The following BAIAP2 variants were observed in gnomAD, a reference collection of about 807,000 sequenced individuals.
The protein encoded by BAIAP2 is BAR/IMD domain-containing adapter protein 2.
A neutral mutation model predicts 63.0 loss-of-function variants in BAIAP2; 18 were observed. That is an observed-to-expected ratio of 0.29 (90% CI 0.20 to 0.42). The LOEUF (loss-of-function observed/expected upper bound fraction) is 0.42, where lower values mean the gene tolerates loss of function less well. Ranked by LOEUF, BAIAP2 falls within the 10% of genes least tolerant of loss-of-function variation. BAIAP2 has a pLI of 1.00. For missense variants in BAIAP2, 610 were observed against 734.3 expected (o/e 0.83, Z 1.96); for synonymous variants, 386 against 307.6 (o/e 1.25, Z -2.67).
chr17:81,076,783 A>G (rs767055650), intron 3 of BAIAP2, among the ~76,000 whole-genome samples: 5 of 152,146 alleles, frequency 3.3e-5, no homozygotes, highest in Admixed American at 6.5e-5. Context: ...AGCCTGGGCA[A>G]CATAGTGAGA....
At chr17:81,043,103 A>G (rs951569373) in intron 1 of BAIAP2, among the ~76,000 whole-genome samples, 1 of 151,878 alleles carries the variant, frequency 6.6e-6, no homozygotes, top group Non-Finnish European at 1.5e-5. Flanking sequence ...CTGGGGTCAA[A>G]TGATCCTCCC....
At chr17:81,063,074 A>C (rs994191481) in intron 3 of BAIAP2, among the ~76,000 whole-genome samples, 2 of 152,126 alleles carry the variant, frequency 1.3e-5, no homozygotes, top group East Asian at 3.9e-4. Context: ...GGCCCACAGG[A>C]GCGGGGACCT....
chr17:81,062,067 C>G (rs1424767033), intron 3 of BAIAP2, among the ~76,000 whole-genome samples: 3 of 152,104 alleles, frequency 2.0e-5, no homozygotes, highest in Non-Finnish European at 4.4e-5. Flanking sequence ...CTCAGCCTCC[C>G]AAGTAGCTGG....
chr17:81,106,181 C>T (rs762390957), intron 11 of BAIAP2, 35 bp downstream of exon 11: 5 of 1,552,248 alleles, frequency 3.2e-6, no homozygotes, highest in Non-Finnish European at 4.4e-6. Flanking sequence ...GTAAGATCCC[C>T]AGCTCGGGAG....
chr17:81,036,719 C>T (rs113714895), intron 1 of BAIAP2: 51,977 of 698,352 alleles, frequency 0.074, 2,426 homozygotes, highest in Non-Finnish European at 0.1. Flanking sequence ...AAGGCACAGG[C>T]CCTGGGGTTG....
intron 3 of BAIAP2, among the ~76,000 whole-genome samples, chr17:81,064,778 G>A (rs1295139669): frequency 6.6e-6 from 1 of 152,072 alleles, no homozygotes; most frequent in African/African-American, 2.4e-5. Context: ...AGACCTCACA[G>A]ACGGAAGGGC....
intron 3 of BAIAP2, among the ~76,000 whole-genome samples, chr17:81,074,075 C>T (rs965153469): frequency 8.5e-5 from 13 of 152,232 alleles, no homozygotes; most frequent in Admixed American, 2.6e-4. Context: ...ATGGCATCGT[C>T]GGGCCATTCA....
intron 3 of BAIAP2, among the ~76,000 whole-genome samples, chr17:81,070,767 G>A (rs1485377526): frequency 6.6e-6 from 1 of 152,180 alleles, no homozygotes; most frequent in Non-Finnish European, 1.5e-5. Flanking sequence ...GCTGACCCGG[G>A]AGCCCCCGTC....
At chr17:81,064,851 C>T (rs1014934696) in intron 3 of BAIAP2, among the ~76,000 whole-genome samples, 12 of 152,242 alleles carry the variant, frequency 7.9e-5, no homozygotes, top group African/African-American at 2.9e-4. Context: ...AGTTAACTCT[C>T]AGGGCTTTGC....
intron 13 of BAIAP2, chr17:81,109,818 C>T (rs368529976): frequency 1.0e-6 from 1 of 985,438 alleles, no homozygotes. Context: ...ACCCCACCCC[C>T]ACATTCCTTT....
chr17:81,100,284 A>G (rs1485699384), intron 7 of BAIAP2, among the ~76,000 whole-genome samples: 3 of 152,180 alleles, frequency 2.0e-5, no homozygotes, highest in Non-Finnish European at 4.4e-5. Context: ...CTCACATTAG[A>G]AATTGCCACC....
intron 13 of BAIAP2, chr17:81,109,924 G>C: frequency 1.0e-6 from 1 of 985,374 alleles, no homozygotes; most frequent in Non-Finnish European, 1.2e-6. Context: ...GGCAGCTCTG[G>C]GCACGCCGCA....
Position 81,116,538 on chromosome 17 carries a change from AAAGGC to A in BAIAP2, c.*700_*704del. 3.4e-6 allele frequency: 2 copies of A among 588,908 alleles called. No individual in the cohort carries two copies. Among genetic ancestry groups the A allele is most frequent in the South Asian group, 4.1e-5 (2 of 48,992 alleles). The allele number at this position is 588,908 out of a possible 1,614,324, so 36.5% of individuals were successfully genotyped here. A position where few individuals can be genotyped will look rare whatever the true frequency, so the allele number is the denominator to read the frequency against. On this transcript the variant is annotated 3_prime_UTR_variant, in exon 14 of 14. Coordinates refer to ENST00000428708, the MANE Select transcript of BAIAP2 (RefSeq NM_001144888.2). ...GGCCTCCCAGCTCGCTCCTGCGGCCAAAGGCCAGCTGTCAGGTGCTATGCGGGGTC... is the reference window on the plus strand; with the variant it reads ...GGCCTCCCAGCTCGCTCCTGCGGCCACAGCTGTCAGGTGCTATGCGGGGTC...
intron 3 of BAIAP2, among the ~76,000 whole-genome samples, chr17:81,084,114 A>C (rs914547508): frequency 6.6e-6 from 1 of 152,178 alleles, no homozygotes; most frequent in African/African-American, 2.4e-5. Context: ...CATTTTGCAC[A>C]CGGGCCGAGG....
At chr17:81,086,396 G>A (rs773315796) in intron 5 of BAIAP2, 47 bp from the exon 6 acceptor site, 14 of 1,604,994 alleles carry the variant, frequency 8.7e-6, no homozygotes, top group South Asian at 2.2e-5. Flanking sequence ...TCCGCGCTGC[G>A]TTGGGTTCAT....
At chr17:81,050,006 T>C (rs1349782866) in intron 1 of BAIAP2, among the ~76,000 whole-genome samples, 1 of 152,150 alleles carries the variant, frequency 6.6e-6, no homozygotes, top group Non-Finnish European at 1.5e-5. Context: ...TGACTGGAGA[T>C]GGTCTCCCAG....
chr17:81,101,276 A>G (rs2058449172), intron 7 of BAIAP2, among the ~76,000 whole-genome samples: 1 of 152,074 alleles, frequency 6.6e-6, no homozygotes, highest in African/African-American at 2.4e-5. Flanking sequence ...GACGGGCTGC[A>G]GCAGCCCCCT....
chr17:81,097,567 C>T (rs545479066), intron 6 of BAIAP2: 8 of 152,436 alleles, frequency 5.2e-5, no homozygotes, highest in African/African-American at 1.9e-4. Flanking sequence ...AGGCCGCCCC[C>T]TTGCGGAGGC....
chr17:81,078,169 C>T (rs2053991996), intron 3 of BAIAP2, among the ~76,000 whole-genome samples: 2 of 127,386 alleles, frequency 1.6e-5, no homozygotes, highest in Admixed American at 7.9e-5. Context: ...GCTGTGGGTG[C>T]GGGTGCCGTA....
Sources: gnomAD v4.1 joint callset for allele counts (sites outside exome capture counted in the v4.1 genomes callset) on GRCh38, gnomAD v4.1.1 for gene constraint, MANE v1.5 for transcripts, NCBI Gene and HGNC (gene_info 2026-07-23, HGNC 2026-07-21) for gene names.